MITF: variants seen among roughly 807,000 people sequenced by gnomAD.
MITF encodes the protein microphthalmia-associated transcription factor.
MITF carries 17 observed loss-of-function variants against 60.5 expected under a neutral mutation model. The observed-to-expected ratio is 0.28, with a 90% CI of 0.19 to 0.42. The LOEUF is 0.42. Ranked by LOEUF, MITF falls within the 10% of genes least tolerant of loss-of-function variation. The pLI, the probability that MITF is intolerant of heterozygous loss-of-function variation, is 1.00. For missense variants in MITF, 622 were observed against 683.5 expected (o/e 0.91, Z 1.00); for synonymous variants, 260 against 248.5 (o/e 1.05, Z -0.43).
intron 1 of MITF, among the ~76,000 whole-genome samples, chr3:69,774,764 A>G (rs1048013854): frequency 3.9e-5 from 6 of 152,086 alleles, no homozygotes; most frequent in Non-Finnish European, 7.4e-5. Context: ...GAAAGTTGCC[A>G]TGGTTACCAG....
At chr3:69,941,777 A>G (rs1209313618) in intron 5 of MITF, among the ~76,000 whole-genome samples, 1 of 152,200 alleles carries the variant, frequency 6.6e-6, no homozygotes, top group Non-Finnish European at 1.5e-5. Flanking sequence ...AGCAAAATCT[A>G]TTCCAACCTC....
intron 2 of MITF, among the ~76,000 whole-genome samples, chr3:69,919,430 A>G (rs1575962263): frequency 6.6e-6 from 1 of 152,252 alleles, no homozygotes; most frequent in Non-Finnish European, 1.5e-5. Flanking sequence ...ATAATAAAAT[A>G]AAACGATCTA....
chr3:69,792,716 A>G (rs547064041), intron 1 of MITF, among the ~76,000 whole-genome samples: 2 of 152,242 alleles, frequency 1.3e-5, no homozygotes, highest in South Asian at 2.1e-4. Context: ...TCTCCAAATC[A>G]GTACATTTAG....
chr3:69,938,260 C>A, intron 3 of MITF: 2 of 1,222,220 alleles, frequency 1.6e-6, no homozygotes, highest in Non-Finnish European at 2.4e-6. Context: ...GGAGACCTGG[C>A]CCTCTCCAAG....
chr3:69,827,201 G>T (rs2063369495), intron 1 of MITF, among the ~76,000 whole-genome samples: 1 of 152,160 alleles, frequency 6.6e-6, no homozygotes, highest in African/African-American at 2.4e-5. Context: ...CTTTAGTGAG[G>T]ACTTGAGAAA....
chr3:69,745,708 C>T (rs1371921313), intron 1 of MITF, among the ~76,000 whole-genome samples: 1 of 152,090 alleles, frequency 6.6e-6, no homozygotes, highest in Non-Finnish European at 1.5e-5. Flanking sequence ...TGCATGTGGA[C>T]AGGTTTAGAG....
At chr3:69,890,038 T>G (rs1336187511) in intron 2 of MITF, among the ~76,000 whole-genome samples, 1 of 152,162 alleles carries the variant, frequency 6.6e-6, no homozygotes, top group Non-Finnish European at 1.5e-5. Context: ...TAAAAATTAT[T>G]ATCTTCTCTA....
chr3:69,822,905 T>TTG (rs1362714721), intron 1 of MITF, among the ~76,000 whole-genome samples: 4 of 150,166 alleles, frequency 2.7e-5, no homozygotes, highest in Non-Finnish European at 5.9e-5. Context: ...TGGTGTTTGT[T>TTG]TTTTTTTTTT....
intron 6 of MITF, among the ~76,000 whole-genome samples, chr3:69,950,513 T>G (rs1271203998): frequency 6.8e-6 from 1 of 146,592 alleles, no homozygotes; most frequent in Non-Finnish European, 1.5e-5. Context: ...GATATGCATA[T>G]ATATGCATAT....
intron 1 of MITF, chr3:69,866,492 G>C (rs1398609880): frequency 5.2e-6 from 4 of 764,702 alleles, no homozygotes; most frequent in Admixed American, 4.5e-5. Context: ...GCTTTAATCA[G>C]CTTCAGCTGT....
chr3:69,828,645 T>G (rs1315541091), intron 1 of MITF, among the ~76,000 whole-genome samples: 1 of 152,078 alleles, frequency 6.6e-6, no homozygotes, highest in Non-Finnish European at 1.5e-5. Context: ...CATGGTATTT[T>G]GATATATAAA....
chr3:69,910,134 C>G (rs2065191494), intron 2 of MITF, among the ~76,000 whole-genome samples: 1 of 152,230 alleles, frequency 6.6e-6, no homozygotes, highest in African/African-American at 2.4e-5. Flanking sequence ...GCCTCTCCAA[C>G]TGTGGCTGAA....
rs1366726744 is a variant in MITF, at chr3:69,968,151, A to G, written c.*2903A>G. ...AAACAGCCCTATTTCTTGATAAAAA[A>G]TGACAAATGACTGTCTCTTGCGGAT... On this transcript the variant is annotated 3_prime_UTR_variant, in exon 10 of 10. Transcript: ENST00000352241. The G allele has an allele frequency of 4.3e-6, 1 of 233,176 alleles. No individual in the cohort carries two copies. The highest frequency in any genetic ancestry group is 5.6e-5 in the Admixed American group (1 of 17,766). 14.4% of individuals were successfully genotyped at this position (233,176 alleles called of 1,614,324 possible).
chr3:69,900,631 C>G (rs2064975432), intron 2 of MITF, among the ~76,000 whole-genome samples: 1 of 152,142 alleles, frequency 6.6e-6, no homozygotes, highest in Non-Finnish European at 1.5e-5. Context: ...AGCCTGCAGC[C>G]AGCCCTTTTT....
chr3:69,903,431 C>G (rs370286273), intron 2 of MITF, among the ~76,000 whole-genome samples: 1 of 152,242 alleles, frequency 6.6e-6, no homozygotes, highest in East Asian at 1.9e-4. Flanking sequence ...CTGAGCCTGA[C>G]TAACTATCTT....
chr3:69,885,707 CT>C (rs1475038071), intron 2 of MITF, among the ~76,000 whole-genome samples: 1 of 152,036 alleles, frequency 6.6e-6, no homozygotes, highest in African/African-American at 2.4e-5. Flanking sequence ...GGAAAAATGT[CT>C]TAAAAGGCTT....
intron 1 of MITF, among the ~76,000 whole-genome samples, chr3:69,819,654 A>C (rs115154932): frequency 0.032 from 4,774 of 149,900 alleles, 100 homozygotes; most frequent in Middle Eastern, 0.06. Flanking sequence ...AACAAACAAA[A>C]ACTACAAAAA....
At chr3:69,754,910 A>G (rs975480749) in intron 1 of MITF, among the ~76,000 whole-genome samples, 1 of 152,102 alleles carries the variant, frequency 6.6e-6, no homozygotes, top group Non-Finnish European at 1.5e-5. Flanking sequence ...ACTCAAAGGC[A>G]ATCAGTGTGG....
At chr3:69,957,421 G>A (rs1241999668) in intron 8 of MITF, among the ~76,000 whole-genome samples, 1 of 152,210 alleles carries the variant, frequency 6.6e-6, no homozygotes, top group Non-Finnish European at 1.5e-5. Context: ...TAGAGGATTT[G>A]TAACAAAATA....
Sources: gnomAD v4.1 joint callset for allele counts (sites outside exome capture counted in the v4.1 genomes callset) on GRCh38, gnomAD v4.1.1 for gene constraint, MANE v1.5 for transcripts, NCBI Gene and HGNC (gene_info 2026-07-23, HGNC 2026-07-21) for gene names.